ACSBG1: variants seen among roughly 807,000 people sequenced by gnomAD.
ACSBG1 encodes acyl-CoA synthetase bubblegum family member 1, also known as long-chain-fatty-acid--CoA ligase ACSBG1.
Under a neutral mutation model 80.2 loss-of-function variants are expected in ACSBG1, and 39 were observed. That is an observed-to-expected ratio of 0.49 (90% CI 0.38 to 0.64). The LOEUF (loss-of-function observed/expected upper bound fraction) is 0.64, where lower values mean the gene tolerates loss of function less well. ACSBG1 is among the 30% of genes least tolerant of loss of function. ACSBG1 has a pLI of 0.00. For synonymous variants in ACSBG1, 392 were observed against 379.5 expected (o/e 1.03, Z -0.38); for missense variants, 828 against 966.4 (o/e 0.86, Z 1.90).
chr15:78,173,611 T>A lies in ACSBG1; in HGVS notation c.2071A>T (p.Ile691Phe). The A allele has an allele frequency of 6.2e-7, 1 of 1,614,090 alleles. No individual in the cohort carries two copies. Among genetic ancestry groups the A allele is most frequent in the Non-Finnish European group, 8.5e-7 (1 of 1,180,000 alleles). Reference sequence around the variant, plus strand: ...AACCTACCCAACTCTCCACCCGAAATGGAGAAGTCTCTCTCGAGAATGGCC... The same window carrying A: ...AACCTACCCAACTCTCCACCCGAAAAGGAGAAGTCTCTCTCGAGAATGGCC... ...KWAILERDFSISGGELGPTMK... is the reference protein window; with the variant it reads ...KWAILERDFSFSGGELGPTMK... The change falls in exon 13 of 14, where the codon ATT (isoleucine) becomes TTT (phenylalanine). Residue 691 changes from isoleucine (I) to phenylalanine (F), a missense_variant. Coordinates refer to ENST00000258873, the MANE Select transcript of ACSBG1 (RefSeq NM_015162.5).
At position 78,178,782 on chromosome 15, in the gene ACSBG1, C is replaced by A; in HGVS notation, c.1534G>T (p.Ala512Ser). The A allele has an allele frequency of 1.2e-6, 2 of 1,613,902 alleles. No individual in the cohort carries two copies. Among genetic ancestry groups the A allele is most frequent in the Middle Eastern group, 3.3e-4 (2 of 6,062 alleles). ...GCRVKLVNQD[A>S]EGIGEICLWG... The stretch of plus-strand genomic sequence containing the variant: ...AGGCAGATCTCGCCAATGCCCTCTG[C>A]GTCCTGGTTCACCAGCTTCACCCGA... Residue 512 changes from alanine to serine, a missense_variant, in exon 11 of 14, where the codon GCA (alanine) becomes TCA (serine). Transcript: ENST00000258873. This position sits in a 1 kb window ranked among gnomAD's most constrained non-coding sequence, Gnocchi z 4.3.
chr15:78,229,317 A>T (rs1341998429), intron 1 of ACSBG1, among the ~76,000 whole-genome samples: 1 of 152,258 alleles, frequency 6.6e-6, no homozygotes, highest in Non-Finnish European at 1.5e-5. Context: ...AACATGAAAC[A>T]ACTGTGTTTT....
chr15:78,219,045 C>A (rs1419465980), intron 1 of ACSBG1, among the ~76,000 whole-genome samples: 3 of 152,140 alleles, frequency 2.0e-5, no homozygotes, highest in Non-Finnish European at 4.4e-5. Flanking sequence ...CTCCTGACCT[C>A]AGGTGATCTG....
chr15:78,195,795 G>C (rs2075108515), intron 2 of ACSBG1, among the ~76,000 whole-genome samples: 1 of 152,138 alleles, frequency 6.6e-6, no homozygotes, highest in South Asian at 2.1e-4. Flanking sequence ...TGGTGGGAAG[G>C]GATGAGGGCT....
At chr15:78,186,278 T>C (rs2075003622) in intron 5 of ACSBG1, among the ~76,000 whole-genome samples, 1 of 152,120 alleles carries the variant, frequency 6.6e-6, no homozygotes, top group Non-Finnish European at 1.5e-5. Flanking sequence ...GACAGAAAGT[T>C]AACAAGGATA....
At chr15:78,229,424 C>T (rs893217939) in intron 1 of ACSBG1, among the ~76,000 whole-genome samples, 1 of 152,214 alleles carries the variant, frequency 6.6e-6, no homozygotes, top group African/African-American at 2.4e-5. Flanking sequence ...CTTTCAGTGA[C>T]ATTCGCCTTA....
At chr15:78,233,851 C>T (rs1161545746) in intron 1 of ACSBG1, among the ~76,000 whole-genome samples, 1 of 152,208 alleles carries the variant, frequency 6.6e-6, no homozygotes, top group East Asian at 1.9e-4. Flanking sequence ...GAATCCACTT[C>T]CTCTAAATCA....
chr15:78,190,570 TAA>T (rs374255553), intron 5 of ACSBG1, among the ~76,000 whole-genome samples: 21 of 129,242 alleles, frequency 1.6e-4, no homozygotes, highest in Non-Finnish European at 1.5e-4. Flanking sequence ...GACCCTGTCT[TAA>T]AAAAAAAAAA....
chr15:78,228,707 C>T (rs896352317), intron 1 of ACSBG1, among the ~76,000 whole-genome samples: 1 of 152,214 alleles, frequency 6.6e-6, no homozygotes, highest in African/African-American at 2.4e-5. Context: ...CTCTTGACAC[C>T]AGCACCTTGA....
intron 1 of ACSBG1, among the ~76,000 whole-genome samples, chr15:78,228,640 G>C (rs1333452898): frequency 6.6e-6 from 1 of 152,194 alleles, no homozygotes; most frequent in Non-Finnish European, 1.5e-5. Flanking sequence ...GACCAGGGTT[G>C]GTTTGCCCTA....
chr15:78,234,289 G>C (rs983799915), intron 1 of ACSBG1, 82 bp downstream of exon 1: 38 of 1,535,628 alleles, frequency 2.5e-5, no homozygotes, highest in Non-Finnish European at 3.1e-5. Flanking sequence ...GAGAGAAGCA[G>C]CTTGCCCAAG....
At chr15:78,191,142 C>T (rs1018487975) in intron 5 of ACSBG1, among the ~76,000 whole-genome samples, 1 of 152,110 alleles carries the variant, frequency 6.6e-6, no homozygotes, top group Non-Finnish European at 1.5e-5. Context: ...ACTTTTGGAA[C>T]AAGAATTATT....
chr15:78,193,926 A>G lies in ACSBG1; in HGVS notation c.542+6T>C, dbSNP rs1391732051. 2 of 1,610,194 alleles carry G rather than the reference A, an allele frequency of 1.2e-6. No homozygotes were observed. The highest frequency in any genetic ancestry group is 2.2e-5 in the South Asian group (2 of 90,862). On this transcript the variant is annotated splice_donor_region_variant and intron_variant, in intron 4 of 13. Coordinates refer to ENST00000258873, the MANE Select transcript of ACSBG1 (RefSeq NM_015162.5). The stretch of plus-strand genomic sequence containing the variant: ...TGGAGACCCCGTCCCTGCCCCCGCC[A>G]CTCACCCTGCAAATACTGTGCCCAC...
intron 1 of ACSBG1, among the ~76,000 whole-genome samples, chr15:78,219,845 G>C (rs191375336): frequency 6.6e-6 from 1 of 152,080 alleles, no homozygotes; most frequent in African/African-American, 2.4e-5. Context: ...TTAGCTGGGC[G>C]TGGGGGCGGG....
intron 2 of ACSBG1, among the ~76,000 whole-genome samples, chr15:78,200,659 C>A (rs1332788374): frequency 6.6e-6 from 1 of 152,136 alleles, no homozygotes; most frequent in Non-Finnish European, 1.5e-5. Flanking sequence ...TCAAGGAAGA[C>A]CCCGGCACCA....
intron 11 of ACSBG1, among the ~76,000 whole-genome samples, chr15:78,176,366 G>A (rs558930757): frequency 6.6e-6 from 1 of 152,290 alleles, no homozygotes; most frequent in East Asian, 1.9e-4. Context: ...AGATGATATA[G>A]TTGTGTCCAT....
Position 78,171,371 on chromosome 15 carries a change from G to A in ACSBG1, c.*73C>T, listed in dbSNP as rs2074819094. ...CAGAAATGCCTGTGCCCAGACTGAAGAGACCTGGGGCTCAGGAAGAGGCTC... is the reference window on the plus strand; with the variant it reads ...CAGAAATGCCTGTGCCCAGACTGAAAAGACCTGGGGCTCAGGAAGAGGCTC... On this transcript the variant is annotated 3_prime_UTR_variant, in exon 14 of 14. Coordinates refer to ENST00000258873, the MANE Select transcript of ACSBG1 (RefSeq NM_015162.5). 7.7e-7 allele frequency: 1 copy of A among 1,303,200 alleles called. No homozygotes were observed. The highest frequency in any genetic ancestry group is 1.5e-5 in the African/African-American group (1 of 67,736). The allele number at this position is 1,303,200 out of a possible 1,614,324, so 80.7% of individuals were successfully genotyped here. A position where few individuals can be genotyped will look rare whatever the true frequency, so the allele number is the denominator to read the frequency against.
At chr15:78,171,610 G>T in intron 13 of ACSBG1, 81 bp from the exon 14 acceptor site, 1 of 1,163,744 alleles carries the variant, frequency 8.6e-7, no homozygotes, top group Non-Finnish European at 1.3e-6. Context: ...CTCACACTCA[G>T]TCCTATATAT....
intron 5 of ACSBG1, among the ~76,000 whole-genome samples, chr15:78,186,946 A>G (rs2075010346): frequency 6.6e-6 from 1 of 152,192 alleles, no homozygotes; most frequent in South Asian, 2.1e-4. Context: ...TAAAGAAGAA[A>G]AGAGAGAAGA....
Sources: gnomAD v4.1 joint callset for allele counts (sites outside exome capture counted in the v4.1 genomes callset) on GRCh38, gnomAD v4.1.1 for gene constraint, Gnocchi (gnomAD v3.1) non-coding constraint, MANE v1.5 for transcripts, NCBI Gene and HGNC (gene_info 2026-07-23, HGNC 2026-07-21) for gene names.